The following FAM81B variants were observed in gnomAD, a reference collection of about 807,000 sequenced individuals.
FAM81B encodes the protein protein FAM81B.
Under a neutral mutation model 58.7 loss-of-function variants are expected in FAM81B, and 60 were observed. The ratio of observed to expected loss-of-function variants is 1.02; its 90% confidence interval spans 0.83 to 1.27. The LOEUF (loss-of-function observed/expected upper bound fraction) is 1.27. Among genes scored for constraint, FAM81B ranks in the 50% most tolerant of loss-of-function variants. The probability of loss-of-function intolerance (pLI) is 0.00; values close to 1 mark genes in which losing one functional copy is unlikely to be tolerated. For synonymous variants in FAM81B, 189 were observed against 179.6 expected (o/e 1.05, Z -0.42); for missense variants, 491 against 522.0 (o/e 0.94, Z 0.58).
chr5:95,419,699 C>A (rs559597594), intron 4 of FAM81B, among the ~76,000 whole-genome samples: 3 of 152,196 alleles, frequency 2.0e-5, no homozygotes, highest in Admixed American at 6.5e-5. Context: ...AGCCAGAAAT[C>A]TCTCATATTC....
chr5:95,425,620 A>G (rs966781066), intron 5 of FAM81B, among the ~76,000 whole-genome samples: 1 of 152,170 alleles, frequency 6.6e-6, no homozygotes, highest in African/African-American at 2.4e-5. Flanking sequence ...CAAAATAAGG[A>G]TCTTAGAAAA....
intron 7 of FAM81B, among the ~76,000 whole-genome samples, chr5:95,444,357 G>C (rs972349632): frequency 6.6e-6 from 1 of 152,162 alleles, no homozygotes; most frequent in African/African-American, 2.4e-5. Context: ...GAATTTTGGA[G>C]AAAAATTAAG....
chr5:95,399,978 C>T (rs1762063768), intron 3 of FAM81B, among the ~76,000 whole-genome samples: 1 of 152,202 alleles, frequency 6.6e-6, no homozygotes, highest in Admixed American at 6.5e-5. Flanking sequence ...CTGAGTGACT[C>T]ATAGCCTCCA....
At chr5:95,425,080 A>T (rs1762787316) in intron 5 of FAM81B, among the ~76,000 whole-genome samples, 1 of 152,006 alleles carries the variant, frequency 6.6e-6, no homozygotes. Context: ...CAATATAAAA[A>T]TGATTGTAGA....
At chr5:95,433,092 C>A (rs1744963263) in intron 6 of FAM81B, among the ~76,000 whole-genome samples, 2 of 152,076 alleles carry the variant, frequency 1.3e-5, no homozygotes, top group African/African-American at 4.8e-5. Flanking sequence ...TCTGCAATTG[C>A]ATGTGGTATT....
intron 3 of FAM81B, among the ~76,000 whole-genome samples, chr5:95,403,679 CT>C (rs896599165): frequency 2.0e-5 from 3 of 152,074 alleles, no homozygotes; most frequent in Admixed American, 6.6e-5. Context: ...CACAAGATGC[CT>C]TTGGTAGTTC....
At chr5:95,396,397 C>A (rs1324683758) in intron 3 of FAM81B, among the ~76,000 whole-genome samples, 1 of 152,178 alleles carries the variant, frequency 6.6e-6, no homozygotes, top group Non-Finnish European at 1.5e-5. Flanking sequence ...GATTTAACTA[C>A]CTTTTCTTTA....
chr5:95,449,888 TTATGCAATA>T (rs755598891), intron 9 of FAM81B, among the ~76,000 whole-genome samples: 3 of 152,192 alleles, frequency 2.0e-5, no homozygotes, highest in Non-Finnish European at 4.4e-5. Flanking sequence ...CAATATAGAA[TTATGCAATA>T]TATTTGAGGA....
intron 3 of FAM81B, among the ~76,000 whole-genome samples, chr5:95,405,595 A>G (rs1414079592): frequency 1.3e-5 from 2 of 152,058 alleles, no homozygotes; most frequent in Non-Finnish European, 2.9e-5. Flanking sequence ...GGAATCTGTA[A>G]TCTACTAGGT....
chr5:95,406,137 C>G (rs988725420), intron 3 of FAM81B: 20 of 154,388 alleles, frequency 1.3e-4, no homozygotes, highest in Middle Eastern at 5.1e-4. Context: ...CAAGCTATCT[C>G]TTGTCCCAGG....
intron 3 of FAM81B, among the ~76,000 whole-genome samples, chr5:95,401,567 T>C (rs933030538): frequency 6.6e-6 from 1 of 152,136 alleles, no homozygotes; most frequent in Non-Finnish European, 1.5e-5. Flanking sequence ...CATCAAAATA[T>C]TCTCTGAGAT....
At chr5:95,445,672 G>A (rs1246115093) in intron 7 of FAM81B, among the ~76,000 whole-genome samples, 4 of 151,842 alleles carry the variant, frequency 2.6e-5, no homozygotes, top group Non-Finnish European at 4.4e-5. Context: ...AGTAATTCAA[G>A]GCCTCTTTAA....
At chr5:95,417,386 C>T (rs1762565066) in intron 4 of FAM81B, among the ~76,000 whole-genome samples, 1 of 152,110 alleles carries the variant, frequency 6.6e-6, no homozygotes, top group East Asian at 1.9e-4. Context: ...GGCTGAGTGC[C>T]TGTGGCTCAC....
intron 4 of FAM81B, among the ~76,000 whole-genome samples, chr5:95,419,574 T>C (rs548535056): frequency 1.1e-4 from 16 of 152,292 alleles, no homozygotes; most frequent in Non-Finnish European, 1.5e-5. Context: ...TTAAAAACCA[T>C]GGTTCTTGGG....
intron 5 of FAM81B, among the ~76,000 whole-genome samples, chr5:95,426,116 ATATATATG>A (rs145531067): frequency 0.12 from 16,266 of 140,396 alleles, 1,158 homozygotes; most frequent in Admixed American, 0.15. Flanking sequence ...ATATATATAT[ATATATATG>A]TACACATATA....
At chr5:95,441,298 C>T (rs1290907620) in intron 7 of FAM81B, among the ~76,000 whole-genome samples, 1 of 152,116 alleles carries the variant, frequency 6.6e-6, no homozygotes, top group African/African-American at 2.4e-5. Context: ...TGGCCGGGCG[C>T]GATGGCTCAC....
At chr5:95,420,766 T>C (rs977639255) in intron 5 of FAM81B, among the ~76,000 whole-genome samples, 2 of 152,208 alleles carry the variant, frequency 1.3e-5, no homozygotes, top group East Asian at 1.9e-4. Context: ...ACAAGAATTA[T>C]AATAGTCTAA....
At chr5:95,449,440 A>G (rs560234961) in intron 9 of FAM81B, among the ~76,000 whole-genome samples, 10 of 152,338 alleles carry the variant, frequency 6.6e-5, no homozygotes, top group Admixed American at 1.3e-4. Context: ...TACTTATTCC[A>G]TTAGTAAAAC....
chr5:95,431,736 CAG>C (rs1412573152), intron 6 of FAM81B, among the ~76,000 whole-genome samples: 5 of 151,900 alleles, frequency 3.3e-5, no homozygotes, highest in African/African-American at 4.8e-5. Flanking sequence ...TTTATTGTAA[CAG>C]GGGCTTCGAT....
Sources: allele counts gnomAD v4.1 joint callset (sites outside exome capture counted in the v4.1 genomes callset), GRCh38; gene constraint gnomAD v4.1.1; transcripts MANE v1.5; gene names NCBI Gene and HGNC (gene_info 2026-07-23, HGNC 2026-07-21).